Variants in CFAP97D2 observed in about 807,000 individuals in gnomAD.
The protein encoded by CFAP97D2 is uncharacterized protein CFAP97D2.
Position 114,185,306 on chromosome 13 carries a change from C to T in CFAP97D2, c.90+5886C>T, listed in dbSNP as rs1268754428. On this transcript the variant is annotated intron_variant, in intron 1 of 4. Transcript: ENST00000646158. The surrounding 1 kb of genome is among the most constrained non-coding windows in gnomAD (Gnocchi z 5.2). ...ACCCTAAGAGCCGCTGTGATGGAGCCAGGCCGAGCTGCCTGCTGACGGGAG... is the reference window on the plus strand; with the variant it reads ...ACCCTAAGAGCCGCTGTGATGGAGCTAGGCCGAGCTGCCTGCTGACGGGAG... 6.6e-6 allele frequency among the ~76,000 whole-genome samples: 1 copy of T among 152,220 alleles called. No individual in the cohort carries two copies. The highest frequency in any genetic ancestry group is 1.9e-4 in the East Asian group (1 of 5,206).
At chr13:114,201,997 T>A (rs1006279761) in intron 3 of CFAP97D2, among the ~76,000 whole-genome samples, 1 of 152,208 alleles carries the variant, frequency 6.6e-6, no homozygotes, top group Non-Finnish European at 1.5e-5. Flanking sequence ...TATTCATCAC[T>A]CCCCAGGTTT....
intron 3 of CFAP97D2, 85 bp downstream of exon 3, chr13:114,200,528 C>T: frequency 1.0e-5 from 4 of 396,880 alleles, no homozygotes; most frequent in Non-Finnish European, 1.8e-5. Flanking sequence ...AGAAGAGCTG[C>T]CCGTGGGTGG....
At chr13:114,194,957 C>T (rs2080880630) in intron 1 of CFAP97D2, among the ~76,000 whole-genome samples, 1 of 152,176 alleles carries the variant, frequency 6.6e-6, no homozygotes, top group Non-Finnish European at 1.5e-5. Context: ...TGTCCATGCC[C>T]CAAACCCACT....
Position 114,185,146 on chromosome 13 carries a change from G to A in CFAP97D2, c.90+5726G>A, listed in dbSNP as rs548463690. ...ACCCTTGTGTGGCCAGGCAGGACCT[G>A]CTCCCAGGCCCAGGGCCTCCACCAC... On this transcript the variant is annotated intron_variant, in intron 1 of 4. Coordinates refer to ENST00000646158, the Ensembl canonical transcript of CFAP97D2. The surrounding 1 kb of genome is among the most constrained non-coding windows in gnomAD (Gnocchi z 5.2). Among the ~76,000 whole-genome samples, 1 of 152,350 alleles carries A rather than the reference G, an allele frequency of 6.6e-6. No homozygotes were observed. Among genetic ancestry groups the A allele is most frequent in the East Asian group, 1.9e-4 (1 of 5,184 alleles).
chr13:114,182,780 A>C (rs1421418519), intron 1 of CFAP97D2, among the ~76,000 whole-genome samples: 1 of 152,222 alleles, frequency 6.6e-6, no homozygotes, highest in Non-Finnish European at 1.5e-5. Flanking sequence ...GATTGGATCA[A>C]AGTGGTTAGG....
chr13:114,202,734 C>T (rs983820242), intron 3 of CFAP97D2, among the ~76,000 whole-genome samples: 3 of 152,188 alleles, frequency 2.0e-5, no homozygotes, highest in Non-Finnish European at 4.4e-5. Context: ...TGGAGATGCT[C>T]TTGTTCTGCC....
chr13:114,188,566 A>G (rs1410981548), intron 1 of CFAP97D2, among the ~76,000 whole-genome samples: 1 of 152,096 alleles, frequency 6.6e-6, no homozygotes, highest in Non-Finnish European at 1.5e-5. Flanking sequence ...TCATGAGGTC[A>G]GGAGATCGAG....
intron 1 of CFAP97D2, among the ~76,000 whole-genome samples, chr13:114,192,973 A>G (rs531280887): frequency 4.6e-5 from 7 of 152,356 alleles, no homozygotes; most frequent in African/African-American, 1.4e-4. Flanking sequence ...ACATGATAAA[A>G]TACTAATTAA....
chr13:114,193,139 G>C (rs2080875326), intron 1 of CFAP97D2, among the ~76,000 whole-genome samples: 1 of 152,066 alleles, frequency 6.6e-6, no homozygotes, highest in Non-Finnish European at 1.5e-5. Flanking sequence ...AAATCCATTA[G>C]AGGCATAAAA....
intron 1 of CFAP97D2, among the ~76,000 whole-genome samples, chr13:114,182,686 A>G (rs904871725): frequency 1.3e-5 from 2 of 152,126 alleles, no homozygotes; most frequent in Non-Finnish European, 2.9e-5. Context: ...CTGCTTGTAA[A>G]CGTTTTGTTA....
chr13:114,216,978 C>T (rs1490420880), intron 4 of CFAP97D2, among the ~76,000 whole-genome samples: 1 of 152,134 alleles, frequency 6.6e-6, no homozygotes, highest in African/African-American at 2.4e-5. Context: ...TTAATGATGG[C>T]CATTCTAACT....
intron 3 of CFAP97D2, among the ~76,000 whole-genome samples, chr13:114,206,970 T>C (rs2080943396): frequency 6.6e-6 from 1 of 152,038 alleles, no homozygotes; most frequent in Non-Finnish European, 1.5e-5. Flanking sequence ...GTTCTTGCCT[T>C]AAAGGGACAG....
intron 1 of CFAP97D2, among the ~76,000 whole-genome samples, chr13:114,182,236 T>G (rs1327796923): frequency 2.6e-4 from 40 of 151,328 alleles, no homozygotes; most frequent in African/African-American, 5.6e-4. Flanking sequence ...GATGTGCACG[T>G]AGGCCAGATT....
chr13:114,213,948 CT>C (rs1455632929), intron 4 of CFAP97D2, among the ~76,000 whole-genome samples: 1 of 148,582 alleles, frequency 6.7e-6, no homozygotes, highest in Non-Finnish European at 1.5e-5. Context: ...ACCCCCACCC[CT>C]ATGGAAGCTC....
chr13:114,211,699 C>T lies in CFAP97D2; in HGVS notation c.291-213C>T, dbSNP rs991445244. 2.6e-5 allele frequency among the ~76,000 whole-genome samples: 4 copies of T among 152,198 alleles called. No individual in the cohort carries two copies. Among genetic ancestry groups the T allele is most frequent in the South Asian group, 2.1e-4 (1 of 4,828 alleles). ...CCCCTCCCGCCGTGCAAAGCGAGCGCGCCGGGGCTGAGTGTGCCCTTCGCT... is the reference window on the plus strand; with the variant it reads ...CCCCTCCCGCCGTGCAAAGCGAGCGTGCCGGGGCTGAGTGTGCCCTTCGCT... On this transcript the variant is annotated intron_variant, in intron 3 of 4. Coordinates refer to ENST00000646158, the Ensembl canonical transcript of CFAP97D2. The surrounding 1 kb of genome is among the most constrained non-coding windows in gnomAD (Gnocchi z 4.2).
At chr13:114,205,815 T>C (rs1476304960) in intron 3 of CFAP97D2, among the ~76,000 whole-genome samples, 2 of 152,206 alleles carry the variant, frequency 1.3e-5, no homozygotes, top group East Asian at 3.9e-4. Flanking sequence ...TCCAAGGCTC[T>C]AGGCTGATCC....
chr13:114,215,006 A>C (rs1257263256), intron 4 of CFAP97D2, among the ~76,000 whole-genome samples: 2 of 152,192 alleles, frequency 1.3e-5, no homozygotes, highest in East Asian at 1.9e-4. Context: ...ATCTTAACCC[A>C]TATGTATCTT....
At position 114,179,941 on chromosome 13, in the gene CFAP97D2, G is replaced by A. The variant is rs115990103; in HGVS notation, c.90+521G>A. Among the ~76,000 whole-genome samples the A allele has an allele frequency of 4.2e-3, 647 of 152,276 alleles. 4 individuals are homozygous for A. Among genetic ancestry groups the A allele is most frequent in the African/African-American group, 0.015 (620 of 41,568 alleles). The stretch of plus-strand genomic sequence containing the variant: ...GCTGGGATTACAGGCATGAGCCACC[G>A]TGCCCGGCCCGGCATCCTTTTCTCT... On this transcript the variant is annotated intron_variant, in intron 1 of 4. Coordinates refer to ENST00000646158, the Ensembl canonical transcript of CFAP97D2. The surrounding 1 kb of genome is among the most constrained non-coding windows in gnomAD (Gnocchi z 4.8).
chr13:114,184,034 CCAG>C (rs1397476281), intron 1 of CFAP97D2, among the ~76,000 whole-genome samples: 1 of 152,130 alleles, frequency 6.6e-6, no homozygotes, highest in African/African-American at 2.4e-5. Context: ...ACACGTAATC[CCAG>C]CTACTTGGGA....
Sources: allele counts gnomAD v4.1 joint callset (sites outside exome capture counted in the v4.1 genomes callset), GRCh38; gene constraint gnomAD v4.1.1; non-coding constraint Gnocchi (gnomAD v3.1); transcripts MANE v1.5; gene names NCBI Gene and HGNC (gene_info 2026-07-23, HGNC 2026-07-21).